Variants in TCERG1L observed in about 807,000 individuals in gnomAD.
TCERG1L encodes the protein transcription elongation regulator 1 like, also known as transcription elongation regulator 1-like protein.
Under a neutral mutation model 56.3 loss-of-function variants are expected in TCERG1L, and 37 were observed. The ratio of observed to expected loss-of-function variants is 0.66; its 90% CI spans 0.51 to 0.87. TCERG1L has a LOEUF of 0.87. Ranked by LOEUF, TCERG1L falls within the 40% of genes least tolerant of loss-of-function variation. TCERG1L has a pLI of 0.00. For missense variants in TCERG1L, 799 were observed against 774.2 expected (o/e 1.03, Z -0.38); for synonymous variants, 324 against 326.3 (o/e 0.99, Z 0.08).
intron 4 of TCERG1L, among the ~76,000 whole-genome samples, chr10:131,207,582 G>A (rs780946662): frequency 6.6e-6 from 1 of 152,214 alleles, no homozygotes; most frequent in Non-Finnish European, 1.5e-5. Context: ...GCTACATCAG[G>A]TTTAAGAACA....
chr10:131,214,202 G>C (rs1310494364), intron 4 of TCERG1L, among the ~76,000 whole-genome samples: 1 of 152,102 alleles, frequency 6.6e-6, no homozygotes. Flanking sequence ...CCTGGGGTGA[G>C]GCTCCCTGGG....
At chr10:131,220,131 G>A (rs927017343) in intron 4 of TCERG1L, among the ~76,000 whole-genome samples, 6 of 152,154 alleles carry the variant, frequency 3.9e-5, no homozygotes, top group African/African-American at 1.2e-4. Flanking sequence ...TCCAAGCCTC[G>A]TCCATAGTGA....
chr10:131,190,449 A>C (rs1845291337), intron 4 of TCERG1L, among the ~76,000 whole-genome samples: 1 of 103,648 alleles, frequency 9.6e-6, no homozygotes, highest in Non-Finnish European at 2.2e-5. Flanking sequence ...TTTTACCAAA[A>C]AAGGAAAGGA....
intron 3 of TCERG1L, among the ~76,000 whole-genome samples, chr10:131,269,991 G>A (rs377030507): frequency 1.3e-5 from 2 of 152,168 alleles, no homozygotes; most frequent in African/African-American, 2.4e-5. Context: ...AAGGCAAGAG[G>A]AGCGCACTTC....
At chr10:131,110,177 G>A (rs985923371) in intron 9 of TCERG1L, among the ~76,000 whole-genome samples, 3 of 152,186 alleles carry the variant, frequency 2.0e-5, no homozygotes, top group African/African-American at 4.8e-5. Flanking sequence ...TGACAAGGAC[G>A]TGGTCTGGAG....
At chr10:131,301,380 AT>A (rs1846760526) in intron 3 of TCERG1L, among the ~76,000 whole-genome samples, 1 of 152,048 alleles carries the variant, frequency 6.6e-6, no homozygotes, top group Non-Finnish European at 1.5e-5. Flanking sequence ...ATTGCTTTAA[AT>A]TTTTCACTCA....
intron 6 of TCERG1L, chr10:131,161,302 C>T (rs985062612): frequency 1.3e-5 from 2 of 152,234 alleles, no homozygotes; most frequent in Non-Finnish European, 1.5e-5. Context: ...CCCAGGCGTG[C>T]AGGAGGCTGT....
Position 131,260,730 on chromosome 10 carries a change from G to A in TCERG1L, c.671-286C>T, listed in dbSNP as rs1305800986. Among the ~76,000 whole-genome samples, 1 of 152,190 alleles carries A rather than the reference G, an allele frequency of 6.6e-6. No homozygotes were observed. The highest frequency in any genetic ancestry group is 1.9e-4 in the East Asian group (1 of 5,182). On this transcript the variant is annotated intron_variant, in intron 3 of 11. Coordinates refer to ENST00000368642, the MANE Select transcript of TCERG1L (RefSeq NM_174937.4). The surrounding 1 kb of genome is among the most constrained non-coding windows in gnomAD (Gnocchi z 5.8). ...CCAGGGGACGAGCCAGGACCCGGGTGCCTTAAAGAGAAACTGCTTGTCCCT... is the reference window on the plus strand; with the variant it reads ...CCAGGGGACGAGCCAGGACCCGGGTACCTTAAAGAGAAACTGCTTGTCCCT...
intron 9 of TCERG1L, among the ~76,000 whole-genome samples, chr10:131,107,657 G>T (rs1845366409): frequency 6.6e-6 from 1 of 152,132 alleles, no homozygotes; most frequent in Admixed American, 6.5e-5. Flanking sequence ...GAAGCCTGTT[G>T]TTCCCGAGCC....
chr10:131,280,736 C>G (rs1846442703), intron 3 of TCERG1L, among the ~76,000 whole-genome samples: 1 of 152,112 alleles, frequency 6.6e-6, no homozygotes, highest in Admixed American at 6.5e-5. Context: ...CACCTGTTCT[C>G]TGTGGTTGTG....
intron 7 of TCERG1L, 70 bp downstream of exon 7, chr10:131,146,436 C>T: frequency 7.1e-7 from 1 of 1,405,828 alleles, no homozygotes; most frequent in Non-Finnish European, 9.4e-7. Flanking sequence ...CATGCTTTCA[C>T]TTTACGTTCA....
At chr10:131,196,729 G>A (rs1845367684) in intron 4 of TCERG1L, among the ~76,000 whole-genome samples, 2 of 152,182 alleles carry the variant, frequency 1.3e-5, no homozygotes, top group Non-Finnish European at 2.9e-5. Context: ...GGCCTGACTG[G>A]CTGGAACACC....
chr10:131,175,617 C>A (rs959867091), intron 4 of TCERG1L, among the ~76,000 whole-genome samples: 20 of 152,222 alleles, frequency 1.3e-4, no homozygotes, highest in Non-Finnish European at 2.8e-4. Flanking sequence ...CCACGCAATT[C>A]ACAAATTACG....
chr10:131,137,131 C>T (rs191047076), intron 7 of TCERG1L, among the ~76,000 whole-genome samples: 1 of 148,760 alleles, frequency 6.7e-6, no homozygotes, highest in Non-Finnish European at 1.5e-5. Context: ...AAGATCAAAA[C>T]TCTGTCTCAA....
At chr10:131,147,127 C>T (rs1845804228) in intron 6 of TCERG1L, among the ~76,000 whole-genome samples, 1 of 152,146 alleles carries the variant, frequency 6.6e-6, no homozygotes, top group Non-Finnish European at 1.5e-5. Flanking sequence ...AGGTCATTAC[C>T]CTCCGGCAGC....
At chr10:131,183,399 C>G (rs1336566869) in intron 4 of TCERG1L, among the ~76,000 whole-genome samples, 1 of 152,134 alleles carries the variant, frequency 6.6e-6, no homozygotes, top group East Asian at 1.9e-4. Flanking sequence ...TGAGATTTAC[C>G]TTTTCCCATT....
In TCERG1L at chr10:131,309,258, G is replaced by A. The variant is rs768147412; in HGVS notation, c.384C>T (p.Pro128=). The A allele has an allele frequency of 9.4e-6, 15 of 1,604,124 alleles. No homozygotes were observed. The highest frequency in any genetic ancestry group is 1.1e-5 in the South Asian group (1 of 89,320). The stretch of plus-strand genomic sequence containing the variant: ...CGGGCACCAGCTCCACTGTGGAAGA[G>A]GGGGGCAGTCCTAGGGACGGAGAAT... ...GGHSPSLGLP[P]SSTVELVPVF... Residue 128 remains proline, a synonymous_variant, in exon 2 of 12, where the codon CCC becomes CCT. Coordinates refer to ENST00000368642, the MANE Select transcript of TCERG1L (RefSeq NM_174937.4).
intron 6 of TCERG1L, among the ~76,000 whole-genome samples, chr10:131,152,024 G>T (rs1845871921): frequency 6.6e-6 from 1 of 152,188 alleles, no homozygotes; most frequent in South Asian, 2.1e-4. Flanking sequence ...GCACAGAGCA[G>T]GGTGACCCTC....
intron 4 of TCERG1L, among the ~76,000 whole-genome samples, chr10:131,248,525 C>T (rs764223098): frequency 6.6e-6 from 1 of 152,166 alleles, no homozygotes; most frequent in African/African-American, 2.4e-5. Flanking sequence ...AGTACCTTCC[C>T]GTAGCCTTGC....
Sources: allele counts gnomAD v4.1 joint callset (sites outside exome capture counted in the v4.1 genomes callset), GRCh38; gene constraint gnomAD v4.1.1; non-coding constraint Gnocchi (gnomAD v3.1); transcripts MANE v1.5; gene names NCBI Gene and HGNC (gene_info 2026-07-23, HGNC 2026-07-21).